The following CCDC3 variants were observed in gnomAD, a reference collection of about 807,000 sequenced individuals.
CCDC3 encodes the protein coiled-coil domain containing 3, also known as coiled-coil domain-containing protein 3.
A neutral mutation model predicts 21.4 loss-of-function variants in CCDC3; 24 were observed. That is an observed-to-expected ratio of 1.12 (90% CI 0.81 to 1.58). The LOEUF is 1.58. CCDC3 is among the 40% of genes most tolerant of loss of function. The pLI is 0.00. For missense variants in CCDC3, 425 were observed against 360.9 expected (o/e 1.18, Z -1.44); for synonymous variants, 186 against 166.0 (o/e 1.12, Z -0.93).
intron 5 of CCDC3, among the ~76,000 whole-genome samples, chr10:13,040,993 C>T (rs1180786282): frequency 6.6e-6 from 1 of 152,076 alleles, no homozygotes; most frequent in Non-Finnish European, 1.5e-5. Flanking sequence ...TTTTAATGTT[C>T]TCAAGGGCTC....
chr10:13,024,846 C>A (rs958265211), intron 5 of CCDC3, among the ~76,000 whole-genome samples: 2 of 152,100 alleles, frequency 1.3e-5, no homozygotes, highest in Admixed American at 1.3e-4. Flanking sequence ...CTTGTTCTGC[C>A]AATACATAAC....
chr10:13,084,287 C>CCT (rs1554766546), intron 3 of CCDC3, among the ~76,000 whole-genome samples: 91 of 102,214 alleles, frequency 8.9e-4, no homozygotes, highest in Admixed American at 1.5e-3. Context: ...CTTTTCTTTT[C>CCT]TTTTTTTTTT....
At chr10:13,011,478 C>T (rs1049393169) in intron 5 of CCDC3, among the ~76,000 whole-genome samples, 2 of 152,026 alleles carry the variant, frequency 1.3e-5, no homozygotes, top group Admixed American at 1.3e-4. Flanking sequence ...TACAGCTAAC[C>T]AGGGAGGTGA....
At chr10:12,950,954 T>TGC (rs1204696389) in intron 2 of CCDC3, among the ~76,000 whole-genome samples, 1 of 152,102 alleles carries the variant, frequency 6.6e-6, no homozygotes, top group Non-Finnish European at 1.5e-5. Flanking sequence ...TGCAGTAGGG[T>TGC]GCGTCTGTCT....
intron 3 of CCDC3, among the ~76,000 whole-genome samples, chr10:13,081,824 A>G (rs1588419120): frequency 6.6e-6 from 1 of 152,220 alleles, no homozygotes; most frequent in South Asian, 2.1e-4. Context: ...AATAAATGCA[A>G]TCGTTACGCT....
At position 13,089,865 on chromosome 10, in the gene CCDC3, A is replaced by G. The variant is rs1837160105; in HGVS notation, c.-503+8660T>C. Among the ~76,000 whole-genome samples, 3 of 131,328 alleles carry G rather than the reference A, an allele frequency of 2.3e-5. No homozygotes were observed. In the South Asian group the frequency reaches 7.5e-4, roughly 33 times the overall value. 86.2% of individuals were successfully genotyped at this position (131,328 alleles called of 152,430 possible). ...CTTTCTCCGTGAGTTCCCAAAGTCC[A>G]TTGTGTCATTCTTACGCCATTGCAT... On this transcript the variant is annotated intron_variant, in intron 3 of 6. Transcript: ENST00000378839.
chr10:12,902,568 A>T (rs1888660), intron 2 of CCDC3, among the ~76,000 whole-genome samples: 2 of 152,204 alleles, frequency 1.3e-5, no homozygotes, highest in African/African-American at 2.4e-5. Context: ...GTTTTGGAAG[A>T]CTGCTTGCTC....
At chr10:12,952,140 C>G (rs1356804578) in intron 2 of CCDC3, among the ~76,000 whole-genome samples, 3 of 152,154 alleles carry the variant, frequency 2.0e-5, no homozygotes, top group Non-Finnish European at 2.9e-5. Flanking sequence ...GACCAAGAAA[C>G]AGGCTCATGT....
At chr10:12,931,322 T>C (rs961067782) in intron 2 of CCDC3, among the ~76,000 whole-genome samples, 6 of 152,116 alleles carry the variant, frequency 3.9e-5, no homozygotes, top group African/African-American at 9.7e-5. Context: ...TAATTTCTAA[T>C]TAACTATTTA....
At chr10:12,995,595 G>A (rs185139956) in intron 2 of CCDC3, among the ~76,000 whole-genome samples, 2 of 152,286 alleles carry the variant, frequency 1.3e-5, no homozygotes, top group East Asian at 3.9e-4. Context: ...AAGTGGGTAG[G>A]GAGTAAAAAC....
chr10:12,976,739 T>TG (rs1390220677), intron 2 of CCDC3, among the ~76,000 whole-genome samples: 1 of 152,136 alleles, frequency 6.6e-6, no homozygotes, highest in Non-Finnish European at 1.5e-5. Context: ...AGGGGATTCT[T>TG]GGGGCAGTGA....
chr10:13,088,162 A>G (rs1035492759), intron 3 of CCDC3, among the ~76,000 whole-genome samples: 3 of 152,212 alleles, frequency 2.0e-5, no homozygotes, highest in Admixed American at 6.5e-5. Context: ...ACTAATCTAC[A>G]GTAAATTTAT....
At chr10:13,098,802 T>C (rs1832669946) in intron 2 of CCDC3, among the ~76,000 whole-genome samples, 1 of 140,676 alleles carries the variant, frequency 7.1e-6, no homozygotes, top group Admixed American at 7.8e-5. Flanking sequence ...CTGCAAGCTC[T>C]GCCTCCCGGG....
At chr10:12,903,204 G>T (rs2131195852) in intron 2 of CCDC3, among the ~76,000 whole-genome samples, 1 of 152,302 alleles carries the variant, frequency 6.6e-6, no homozygotes. Flanking sequence ...TGTGTCATGT[G>T]AATTGAGGCT....
chr10:12,980,891 T>C (rs1054534159), intron 2 of CCDC3, among the ~76,000 whole-genome samples: 5 of 152,110 alleles, frequency 3.3e-5, no homozygotes, highest in African/African-American at 4.8e-5. Flanking sequence ...TGCAAGACTC[T>C]CGGCACACTT....
intron 2 of CCDC3, among the ~76,000 whole-genome samples, chr10:12,937,295 C>G (rs962571788): frequency 3.9e-5 from 6 of 152,186 alleles, no homozygotes; most frequent in South Asian, 2.1e-4. Flanking sequence ...ACAGGCTGCA[C>G]TGGAAACTGG....
At chr10:13,056,355 C>T (rs915233049) in intron 4 of CCDC3, among the ~76,000 whole-genome samples, 10 of 152,156 alleles carry the variant, frequency 6.6e-5, no homozygotes, top group African/African-American at 2.4e-4. Context: ...CTTGGACATA[C>T]GGCCAAATCT....
chr10:13,016,132 G>T (rs967581557), intron 5 of CCDC3, among the ~76,000 whole-genome samples: 2 of 151,718 alleles, frequency 1.3e-5, no homozygotes, highest in African/African-American at 4.8e-5. Context: ...CAATAGTAGA[G>T]CTTATCTGCT....
intron 2 of CCDC3, among the ~76,000 whole-genome samples, chr10:12,937,388 T>TA (rs1446143652): frequency 6.6e-6 from 1 of 152,164 alleles, no homozygotes. Flanking sequence ...GCCACCATAG[T>TA]ACTAGCAGTA....
Sources: gnomAD v4.1 joint callset for allele counts (sites outside exome capture counted in the v4.1 genomes callset) on GRCh38, gnomAD v4.1.1 for gene constraint, MANE v1.5 for transcripts, NCBI Gene and HGNC (gene_info 2026-07-23, HGNC 2026-07-21) for gene names.